Variants in HMCN1 observed in about 807,000 individuals in gnomAD.
HMCN1 encodes the protein hemicentin-1.
Under a neutral mutation model 625.9 loss-of-function variants are expected in HMCN1, and 321 were observed. The observed-to-expected ratio is 0.51, with a 90% confidence interval of 0.47 to 0.56. The LOEUF (loss-of-function observed/expected upper bound fraction) is 0.56. Ranked by LOEUF, HMCN1 falls within the 20% of genes least tolerant of loss-of-function variation. The pLI, the probability that HMCN1 is intolerant of heterozygous loss-of-function variation, is 0.00. For synonymous variants in HMCN1, 2,425 were observed against 2,417.6 expected, an observed-to-expected ratio of 1.00 and a Z score of -0.09; for missense variants, 6,588 against 6,887.3, an observed-to-expected ratio of 0.96 and a Z score of 1.54.
Position 186,115,021 on chromosome 1 carries a change from A to G in HMCN1, c.11404+75A>G. The G allele has an allele frequency of 2.5e-6, 4 of 1,598,924 alleles. No individual in the cohort carries two copies. The East Asian group carries it at 6.7e-5, about 27-fold the overall frequency. On this transcript the variant is annotated intron_variant, in intron 74 of 106. Transcript: ENST00000271588. ...TGATTGCCTAAACTAGTGAGGTCAT[A>G]AAGATCTTGACATTGAAGGCTAGTT...
At chr1:186,002,503 A>G (rs1027450111) in intron 28 of HMCN1, among the ~76,000 whole-genome samples, 1 of 152,068 alleles carries the variant, frequency 6.6e-6, no homozygotes, top group Non-Finnish European at 1.5e-5. Context: ...AAAGCCTGAA[A>G]TTTTTCTTCC....
intron 11 of HMCN1, among the ~76,000 whole-genome samples, chr1:185,941,352 G>A (rs1668071207): frequency 6.6e-6 from 1 of 152,050 alleles, no homozygotes. Context: ...AATCTATATG[G>A]TACTTAACAA....
chr1:186,092,892 G>A (rs1659916447), intron 64 of HMCN1, among the ~76,000 whole-genome samples: 1 of 151,966 alleles, frequency 6.6e-6, no homozygotes, highest in African/African-American at 2.4e-5. Context: ...TAAGAATATA[G>A]TATTCTATCT....
chr1:186,108,404 T>A lies in HMCN1; in HGVS notation c.10853-57T>A. On this transcript the variant is annotated intron_variant, in intron 70 of 106. Transcript: ENST00000271588. The stretch of plus-strand genomic sequence containing the variant: ...TTATTTCATATAGCAGAACCAACAT[T>A]TTTTGGATACCTATGATAATACAGA... The A allele has an allele frequency of 1.5e-5, 24 of 1,613,496 alleles. No individual in the cohort carries two copies. In the South Asian group the frequency reaches 2.6e-4, roughly 18 times the overall value.
At chr1:185,800,353 C>T (rs756943667) in intron 1 of HMCN1, among the ~76,000 whole-genome samples, 61 of 152,138 alleles carry the variant, frequency 4.0e-4, no homozygotes, top group Non-Finnish European at 6.6e-4. Flanking sequence ...TTTGGTTCCT[C>T]TCTGTGGAAA....
rs575710648 is a variant in HMCN1 at position 186,000,169 on chromosome 1, T to A, written c.3999T>A (p.Asn1333Lys). ...TTGCTTCTGTTACACCCTATGACAA[T>A]GGGGAGTACATCTGTGTGGCAGTCA... The part of the protein sequence containing the change: ...LVIASVTPYD[N>K]GEYICVAVNE... The change falls in exon 26 of 107, where the codon AAT becomes AAA. Residue 1333 changes from asparagine (N) to lysine (K), a missense_variant. Coordinates refer to ENST00000271588, the MANE Select transcript of HMCN1 (RefSeq NM_031935.3). The A allele has an allele frequency of 1.9e-5, 31 of 1,613,094 alleles. No homozygotes were observed. In the East Asian group the frequency reaches 5.4e-4, roughly 28 times the overall value.
At chr1:185,771,404 T>C (rs1051113630) in intron 1 of HMCN1, among the ~76,000 whole-genome samples, 3 of 152,186 alleles carry the variant, frequency 2.0e-5, no homozygotes, top group Non-Finnish European at 4.4e-5. Context: ...AGGGATTTGG[T>C]TAGGCTCTAG....
chr1:185,942,310 C>T (rs947332112), intron 11 of HMCN1, among the ~76,000 whole-genome samples: 2 of 151,718 alleles, frequency 1.3e-5, no homozygotes, highest in African/African-American at 4.8e-5. Flanking sequence ...TAATTTTCAG[C>T]AAAAATAGAC....
In HMCN1 at chr1:185,989,578, G is replaced by A. The variant is rs893123990; in HGVS notation, c.3139G>A (p.Gly1047Arg). The change falls in exon 21 of 107, where the codon GGG becomes AGG. Residue 1047 changes from glycine to arginine, a missense_variant. Physicochemically the swap from Gly to Arg is moderately radical, Grantham distance 125. Transcript: ENST00000271588. ...GGTATCACCTGGAGGAGAGGAGAGT[G>A]GGGAGTATGTCTGCACTGCCACCAA... ...YVVSPGGEES[G>R]EYVCTATNTA... The A allele has an allele frequency of 1.9e-6, 3 of 1,614,000 alleles. No individual in the cohort carries two copies. The highest frequency in any genetic ancestry group is 2.5e-6 in the Non-Finnish European group (3 of 1,179,964).
intron 68 of HMCN1, among the ~76,000 whole-genome samples, chr1:186,101,260 A>G (rs1470221848): frequency 6.6e-6 from 1 of 152,144 alleles, no homozygotes; most frequent in Non-Finnish European, 1.5e-5. Flanking sequence ...CAGTGGAAGT[A>G]TTAGGACTTG....
At chr1:186,185,196 T>C (rs1044278706) in intron 105 of HMCN1, among the ~76,000 whole-genome samples, 3 of 152,214 alleles carry the variant, frequency 2.0e-5, no homozygotes, top group Non-Finnish European at 4.4e-5. Context: ...CTGATGTGCG[T>C]CCACCTTCTA....
At chr1:185,844,469 G>A (rs1325447643) in intron 1 of HMCN1, among the ~76,000 whole-genome samples, 1 of 152,014 alleles carries the variant, frequency 6.6e-6, no homozygotes, top group Non-Finnish European at 1.5e-5. Flanking sequence ...ACTACAGTCT[G>A]TTTTTGTACC....
chr1:185,950,634 G>T (rs12565980), intron 11 of HMCN1, among the ~76,000 whole-genome samples: 11 of 148,832 alleles, frequency 7.4e-5, no homozygotes, highest in African/African-American at 2.3e-4. Context: ...TTGGGCTTGA[G>T]TGAAGTAATG....
intron 11 of HMCN1, among the ~76,000 whole-genome samples, chr1:185,958,333 G>T (rs539366608): frequency 6.6e-6 from 1 of 152,194 alleles, no homozygotes; most frequent in African/African-American, 2.4e-5. Flanking sequence ...TACCCAGACT[G>T]GTCTTGAACT....
chr1:185,891,605 A>G (rs1438477297), intron 4 of HMCN1, among the ~76,000 whole-genome samples: 1 of 147,652 alleles, frequency 6.8e-6, no homozygotes, highest in Non-Finnish European at 1.5e-5. Flanking sequence ...TCTGGGTTGA[A>G]AATTCTTTTC....
chr1:186,168,260 A>T (rs1040911040), intron 100 of HMCN1, among the ~76,000 whole-genome samples: 1 of 150,106 alleles, frequency 6.7e-6, no homozygotes, highest in Non-Finnish European at 1.5e-5. Flanking sequence ...GAAGAGGAAG[A>T]AAAAAAAACT....
intron 4 of HMCN1, among the ~76,000 whole-genome samples, chr1:185,883,494 T>C (rs922629884): frequency 1.3e-5 from 2 of 152,042 alleles, no homozygotes; most frequent in African/African-American, 4.8e-5. Context: ...AAATTTCATA[T>C]AAATGGAAAT....
chr1:186,069,536 G>A, intron 50 of HMCN1, 127 bp from the exon 51 acceptor site: 2 of 710,168 alleles, frequency 2.8e-6, no homozygotes, highest in South Asian at 1.5e-5. Flanking sequence ...TATATCATAT[G>A]TCCATCACAG....
intron 53 of HMCN1, among the ~76,000 whole-genome samples, chr1:186,075,862 G>A (rs988997089): frequency 2.0e-5 from 3 of 152,082 alleles, no homozygotes; most frequent in Non-Finnish European, 4.4e-5. Context: ...TAGGTTAAAT[G>A]TACTTTTTTC....
Sources: allele counts gnomAD v4.1 joint callset (sites outside exome capture counted in the v4.1 genomes callset), GRCh38; gene constraint gnomAD v4.1.1; transcripts MANE v1.5; gene names NCBI Gene and HGNC (gene_info 2026-07-23, HGNC 2026-07-21).